PIGL: variants seen among roughly 807,000 people sequenced by gnomAD.
PIGL encodes phosphatidylinositol glycan anchor biosynthesis class L.
Under a neutral mutation model 31.1 loss-of-function variants are expected in PIGL, and 22 were observed. The ratio of observed to expected loss-of-function variants is 0.71; its 90% CI spans 0.51 to 1.01. The LOEUF (loss-of-function observed/expected upper bound fraction) is 1.01, where lower values mean the gene tolerates loss of function less well. PIGL is among the 50% of genes least tolerant of loss of function. The pLI is 0.00. For missense variants in PIGL, 302 were observed against 315.9 expected, an observed-to-expected ratio of 0.96 and a Z score of 0.33; for synonymous variants, 131 against 117.4, an observed-to-expected ratio of 1.12 and a Z score of -0.75.
intron 4 of PIGL, among the ~76,000 whole-genome samples, chr17:16,315,708 CTTTTTTTTTTTTTTTT>C (rs1157169209): frequency 1.2e-4 from 7 of 58,990 alleles, no homozygotes; most frequent in African/African-American, 5.3e-4. Context: ...TTCTTTCTTT[CTTTTTTTTTTTTTTTT>C]TTTTTTTTTG....
intron 2 of PIGL, chr17:16,279,690 G>GCTCT: frequency 6.6e-6 from 1 of 152,290 alleles, no homozygotes; most frequent in Admixed American, 6.5e-5. Flanking sequence ...GTCTATCAGA[G>GCTCT]GCACAGGGAC....
rs1246212902 is a variant in PIGL at position 16,258,111 on chromosome 17, GAGAGAGAGAGAGAA to G, written c.335+24069_335+24082del. Among the ~76,000 whole-genome samples, 95 of 131,330 alleles carry G rather than the reference GAGAGAGAGAGAGAA, an allele frequency of 7.2e-4. 1 individual carries two copies. Among genetic ancestry groups the G allele is most frequent in the Non-Finnish European group, 8.4e-4 (50 of 59,248 alleles). 86.2% of individuals were successfully genotyped at this position (131,330 alleles called of 152,430 possible). A position where few individuals can be genotyped will look rare whatever the true frequency, so the allele number is the denominator to read the frequency against. On this transcript the variant is annotated intron_variant, in intron 2 of 6. Transcript: ENST00000225609. ...AGAGAGAGAGAGAGAGAAAGAGAGA[GAGAGAGAGAGAGAA>G]AGAGAGAGAGAGAAAGAGAGAGAGA...
intron 3 of PIGL, chr17:16,300,229 T>G (rs2092998783): frequency 2.3e-6 from 1 of 438,108 alleles, no homozygotes; most frequent in Non-Finnish European, 4.1e-6. Context: ...CAGAAGTTTT[T>G]TCTAAACTGT....
intron 2 of PIGL, among the ~76,000 whole-genome samples, chr17:16,238,591 A>G (rs542283362): frequency 1.3e-5 from 2 of 148,158 alleles, no homozygotes; most frequent in Admixed American, 6.8e-5. Flanking sequence ...GCCCACCACC[A>G]TGCCCAGCTA....
intron 3 of PIGL, among the ~76,000 whole-genome samples, chr17:16,309,762 TAA>T (rs71150289): frequency 1.0e-4 from 15 of 147,370 alleles, no homozygotes; most frequent in African/African-American, 7.5e-5. Context: ...GACTCCATCT[TAA>T]AAAAAAAAAG....
intron 2 of PIGL, among the ~76,000 whole-genome samples, chr17:16,250,653 G>A (rs2092767281): frequency 6.6e-6 from 1 of 152,188 alleles, no homozygotes; most frequent in Non-Finnish European, 1.5e-5. Context: ...AAGTTTTATA[G>A]AGGACCTGTA....
intron 1 of PIGL, among the ~76,000 whole-genome samples, chr17:16,228,852 C>CT (rs1373636558): frequency 6.6e-6 from 1 of 152,220 alleles, no homozygotes; most frequent in Non-Finnish European, 1.5e-5. Flanking sequence ...CTTTCTATCT[C>CT]TATGAATTTG....
intron 2 of PIGL, among the ~76,000 whole-genome samples, chr17:16,252,649 C>G (rs2092777611): frequency 6.6e-6 from 1 of 151,712 alleles, no homozygotes. Flanking sequence ...ACTAATAAAA[C>G]TTTCCTCCCT....
chr17:16,255,645 T>C (rs1431213417), intron 2 of PIGL, among the ~76,000 whole-genome samples: 1 of 152,030 alleles, frequency 6.6e-6, no homozygotes, highest in African/African-American at 2.4e-5. Flanking sequence ...GTGAGAGCCT[T>C]CCCCTTACAA....
At chr17:16,253,291 A>G (rs2092780493) in intron 2 of PIGL, among the ~76,000 whole-genome samples, 1 of 152,150 alleles carries the variant, frequency 6.6e-6, no homozygotes, top group Non-Finnish European at 1.5e-5. Flanking sequence ...ACAAAAACGT[A>G]AAACAAACAA....
At chr17:16,294,483 C>G (rs1330034700) in intron 2 of PIGL, among the ~76,000 whole-genome samples, 2 of 152,178 alleles carry the variant, frequency 1.3e-5, no homozygotes, top group Non-Finnish European at 2.9e-5. Flanking sequence ...CCCTCTATAA[C>G]CAAGCACCTG....
At chr17:16,325,573 G>A (rs778580067) in intron 6 of PIGL, among the ~76,000 whole-genome samples, 3 of 152,036 alleles carry the variant, frequency 2.0e-5, no homozygotes, top group Non-Finnish European at 2.9e-5. Flanking sequence ...CTGTAGCTAC[G>A]GTGAGCATTG....
intron 3 of PIGL, among the ~76,000 whole-genome samples, chr17:16,310,816 T>C (rs1404548148): frequency 2.6e-5 from 4 of 152,162 alleles, no homozygotes; most frequent in Non-Finnish European, 5.9e-5. Context: ...ACACAGTGCT[T>C]CTTCCTGCAG....
In PIGL at chr17:16,217,444, T is replaced by C. The variant is rs769692415; in HGVS notation, c.218T>C (p.Leu73Pro). The C allele has an allele frequency of 2.5e-6, 4 of 1,614,008 alleles. No homozygotes were observed. Among genetic ancestry groups the C allele is most frequent in the Non-Finnish European group, 3.4e-6 (4 of 1,179,870 alleles). The change falls in exon 1 of 7, where the codon CTG becomes CCG. Residue 73 changes from leucine to proline, a missense_variant. Leu to Pro is a moderately conservative substitution (Grantham distance 98). Coordinates refer to ENST00000225609, the MANE Select transcript of PIGL (RefSeq NM_004278.4). Reference sequence around the variant, plus strand: ...GCCCGCCTAAGGCACTGGGTGTACCTGCTTTGCTTCTCTGCAGGTAGGAGG... The same window carrying C: ...GCCCGCCTAAGGCACTGGGTGTACCCGCTTTGCTTCTCTGCAGGTAGGAGG... ...GLARLRHWVY[L>P]LCFSAGNYYN...
chr17:16,286,123 G>C (rs866413190), intron 2 of PIGL, among the ~76,000 whole-genome samples: 2 of 152,248 alleles, frequency 1.3e-5, no homozygotes, highest in African/African-American at 4.8e-5. Flanking sequence ...CCAGAGGTGG[G>C]TGGAGGGGTG....
Position 16,254,672 on chromosome 17 carries a change from T to C in PIGL, c.335+20602T>C, listed in dbSNP as rs191623364. Reference sequence around the variant, plus strand: ...CAGGCTGGAATGCAGTGGCGCTATCTCGACTCACTGCAAGCTTCGCCTCCC... The same window carrying C: ...CAGGCTGGAATGCAGTGGCGCTATCCCGACTCACTGCAAGCTTCGCCTCCC... On this transcript the variant is annotated intron_variant, in intron 2 of 6. Transcript: ENST00000225609. Among the ~76,000 whole-genome samples, 47 of 152,164 alleles carry C rather than the reference T, an allele frequency of 3.1e-4. No homozygotes were observed. In the East Asian group the frequency reaches 7.5e-3, roughly 24 times the overall value.
chr17:16,325,650 G>A, intron 6 of PIGL, 150 bp from the exon 7 acceptor site: 1 of 635,996 alleles, frequency 1.6e-6, no homozygotes, highest in East Asian at 2.7e-5. Flanking sequence ...AATCCAGAGA[G>A]GTTCGTGGGT....
intron 2 of PIGL, among the ~76,000 whole-genome samples, chr17:16,234,731 CT>C (rs1273079731): frequency 6.6e-6 from 1 of 152,214 alleles, no homozygotes; most frequent in East Asian, 1.9e-4. Flanking sequence ...CACCATTGCA[CT>C]TCAGCCTGGA....
chr17:16,300,523 A>T (rs1207709668), intron 3 of PIGL, among the ~76,000 whole-genome samples: 1 of 152,130 alleles, frequency 6.6e-6, no homozygotes, highest in Non-Finnish European at 1.5e-5. Context: ...TCTATTAAAA[A>T]TACAAAAATT....
Sources: gnomAD v4.1 joint callset for allele counts (sites outside exome capture counted in the v4.1 genomes callset) on GRCh38, gnomAD v4.1.1 for gene constraint, MANE v1.5 for transcripts, NCBI Gene and HGNC (gene_info 2026-07-23, HGNC 2026-07-21) for gene names.